The following SEMA5A variants were observed in gnomAD, a reference collection of about 807,000 sequenced individuals.
SEMA5A encodes the protein semaphorin 5A, also known as semaphorin-5A.
In SEMA5A, 55 loss-of-function variants were observed where a neutral mutation model predicts 135.5. That is an observed-to-expected ratio of 0.41 (90% CI 0.33 to 0.51). The LOEUF is 0.51. Among genes scored for constraint, SEMA5A ranks in the 20% least tolerant of loss-of-function variants. SEMA5A has a pLI of 0.37. For missense variants in SEMA5A, 1,290 were observed against 1,419.9 expected, an observed-to-expected ratio of 0.91 and a Z score of 1.47; for synonymous variants, 580 against 546.5, an observed-to-expected ratio of 1.06 and a Z score of -0.85.
intron 6 of SEMA5A, among the ~76,000 whole-genome samples, chr5:9,228,433 G>A (rs1302242904): frequency 1.3e-5 from 2 of 152,226 alleles, no homozygotes; most frequent in Admixed American, 1.3e-4. Context: ...ATTGTGTACA[G>A]AGGAGCTCAC....
intron 1 of SEMA5A, among the ~76,000 whole-genome samples, chr5:9,530,014 C>T (rs2126320723): frequency 6.6e-6 from 1 of 152,298 alleles, no homozygotes; most frequent in East Asian, 1.9e-4. Flanking sequence ...GGCTCAGCAG[C>T]CAGCACAGGC....
At chr5:9,530,750 C>G (rs564263210) in intron 1 of SEMA5A, among the ~76,000 whole-genome samples, 1 of 152,266 alleles carries the variant, frequency 6.6e-6, no homozygotes, top group Middle Eastern at 3.4e-3. Context: ...GAGGAGAGAT[C>G]CTTCTCCAGA....
chr5:9,064,274 T>C (rs1056300850), intron 17 of SEMA5A, among the ~76,000 whole-genome samples: 8 of 152,094 alleles, frequency 5.3e-5, no homozygotes, highest in African/African-American at 1.7e-4. Context: ...AAGATATCAA[T>C]ACCAAAATGT....
intron 5 of SEMA5A, among the ~76,000 whole-genome samples, chr5:9,238,663 G>A (rs570137817): frequency 2.5e-4 from 38 of 151,078 alleles, no homozygotes; most frequent in East Asian, 9.7e-4. Flanking sequence ...CCTAGCTCTC[G>A]TGAATAGTTT....
At chr5:9,314,929 C>T (rs1044152105) in intron 5 of SEMA5A, among the ~76,000 whole-genome samples, 2 of 152,088 alleles carry the variant, frequency 1.3e-5, no homozygotes, top group African/African-American at 4.8e-5. Flanking sequence ...GCTCTCACCA[C>T]GTGGTGGTAC....
intron 5 of SEMA5A, among the ~76,000 whole-genome samples, chr5:9,311,799 T>G (rs533333780): frequency 6.6e-6 from 1 of 152,038 alleles, no homozygotes; most frequent in Non-Finnish European, 1.5e-5. Context: ...CACTTTAACT[T>G]TGGAGAGAAT....
chr5:9,258,046 T>C lies in SEMA5A; in HGVS notation c.271-20156A>G, dbSNP rs142110308. ...CATGCTGAGATTTTGACCTGCTGAA[T>C]ACACATTTGGACTGAATACTGAAAA... is the stretch of plus-strand genomic sequence containing the variant. On this transcript the variant is annotated intron_variant, in intron 5 of 22. Coordinates refer to ENST00000382496, the MANE Select transcript of SEMA5A (RefSeq NM_003966.3). Among the ~76,000 whole-genome samples, 17 of 152,282 alleles carry C rather than the reference T, an allele frequency of 1.1e-4. No homozygotes were observed. The East Asian group carries it at 3.3e-3, about 29-fold the overall frequency.
Position 9,479,385 on chromosome 5 carries a change from GA to G in SEMA5A, c.-174-41534del, listed in dbSNP as rs35642251. On this transcript the variant is annotated intron_variant, in intron 1 of 22. Coordinates refer to ENST00000382496, the MANE Select transcript of SEMA5A (RefSeq NM_003966.3). ...GGTAACCTAGTGTGACCATGTCTAT[GA>G]AAAAAAAAAAAACTTAATAAAGAAA... 1.6e-3 allele frequency among the ~76,000 whole-genome samples: 240 copies of G among 146,092 alleles called. 4 individuals carry two copies. In the East Asian group the frequency reaches 0.027, roughly 17 times the overall value.
chr5:9,417,993 TC>T (rs1485581590), intron 2 of SEMA5A, among the ~76,000 whole-genome samples: 4 of 132,874 alleles, frequency 3.0e-5, no homozygotes, highest in Non-Finnish European at 3.3e-5. Flanking sequence ...TTTTTTTTTT[TC>T]GAGATGGAGT....
chr5:9,182,515 C>G (rs1744577056), intron 11 of SEMA5A, among the ~76,000 whole-genome samples: 1 of 152,096 alleles, frequency 6.6e-6, no homozygotes, highest in Non-Finnish European at 1.5e-5. Flanking sequence ...TGTATATTTG[C>G]TTGTATAGTC....
At chr5:9,072,222 G>A (rs1737807321) in intron 16 of SEMA5A, among the ~76,000 whole-genome samples, 1 of 152,168 alleles carries the variant, frequency 6.6e-6, no homozygotes, top group South Asian at 2.1e-4. Flanking sequence ...GACAACTTAT[G>A]GGAGACCCAT....
intron 1 of SEMA5A, among the ~76,000 whole-genome samples, chr5:9,505,393 A>AC (rs1735821865): frequency 6.6e-6 from 1 of 151,946 alleles, no homozygotes; most frequent in Non-Finnish European, 1.5e-5. Flanking sequence ...CTTTCAAACC[A>AC]CCCCCACACT....
intron 1 of SEMA5A, chr5:9,498,322 T>C (rs992129201): frequency 6.6e-6 from 1 of 152,132 alleles, no homozygotes; most frequent in Non-Finnish European, 1.5e-5. Context: ...TAATCTGAGG[T>C]GTCTAAATAC....
chr5:9,356,715 C>T (rs1754464940), intron 3 of SEMA5A, among the ~76,000 whole-genome samples: 1 of 152,146 alleles, frequency 6.6e-6, no homozygotes, highest in Admixed American at 6.6e-5. Flanking sequence ...CAAAGAAATT[C>T]ACTGTGCAAA....
chr5:9,484,102 C>G (rs771225544), intron 1 of SEMA5A, among the ~76,000 whole-genome samples: 2 of 152,198 alleles, frequency 1.3e-5, no homozygotes, highest in Non-Finnish European at 2.9e-5. Flanking sequence ...AAAATGAATT[C>G]TTGATAGCCA....
chr5:9,374,622 CGTGT>C (rs3086524), intron 3 of SEMA5A, among the ~76,000 whole-genome samples: 30,783 of 146,942 alleles, frequency 0.21, 3,519 homozygotes, highest in East Asian at 0.33. Flanking sequence ...CACAAGACAT[CGTGT>C]GTGTGTGTGT....
chr5:9,426,375 A>C (rs1757649857), intron 2 of SEMA5A, among the ~76,000 whole-genome samples: 1 of 151,120 alleles, frequency 6.6e-6, no homozygotes, highest in Non-Finnish European at 1.5e-5. Flanking sequence ...CAGTGAGCCG[A>C]GATCACGCCA....
chr5:9,093,701 A>G (rs954303962), intron 16 of SEMA5A, among the ~76,000 whole-genome samples: 5 of 151,546 alleles, frequency 3.3e-5, no homozygotes, highest in Admixed American at 2.0e-4. Flanking sequence ...TCAAAAAAAA[A>G]CAAAAAAACA....
At chr5:9,515,162 C>T (rs935776374) in intron 1 of SEMA5A, among the ~76,000 whole-genome samples, 3 of 152,210 alleles carry the variant, frequency 2.0e-5, no homozygotes, top group African/African-American at 4.8e-5. Context: ...GAGTATTGGA[C>T]ATTTACCCTT....
Sources: allele counts gnomAD v4.1 joint callset (sites outside exome capture counted in the v4.1 genomes callset), GRCh38; gene constraint gnomAD v4.1.1; transcripts MANE v1.5; gene names NCBI Gene and HGNC (gene_info 2026-07-23, HGNC 2026-07-21).